Variants in RIMS2 observed in about 807,000 individuals in gnomAD.
RIMS2 encodes regulating synaptic membrane exocytosis protein 2.
A neutral mutation model predicts 174.4 loss-of-function variants in RIMS2; 59 were observed. That is an observed-to-expected ratio of 0.34 (90% CI 0.27 to 0.42). RIMS2 has a LOEUF of 0.42. Among genes scored for constraint, RIMS2 ranks in the 10% least tolerant of loss-of-function variants. The pLI, the probability that RIMS2 is intolerant of heterozygous loss-of-function variation, is 1.00. For synonymous variants in RIMS2, 606 were observed against 572.5 expected, an observed-to-expected ratio of 1.06 and a Z score of -0.84; for missense variants, 1,620 against 1,666.3, an observed-to-expected ratio of 0.97 and a Z score of 0.48.
intron 1 of RIMS2, among the ~76,000 whole-genome samples, chr8:103,604,308 T>A (rs1411992844): frequency 6.6e-6 from 1 of 151,962 alleles, no homozygotes; most frequent in East Asian, 1.9e-4. Context: ...CAGATAGTTG[T>A]TGATATGCGG....
intron 3 of RIMS2, among the ~76,000 whole-genome samples, chr8:103,769,941 CAG>C (rs2098231130): frequency 1.3e-5 from 2 of 152,178 alleles, no homozygotes; most frequent in African/African-American, 4.8e-5. Flanking sequence ...AGTTTAATAT[CAG>C]ATTTGGTAGT....
rs544938125 is a variant in RIMS2, at chr8:104,155,870, T to C, written c.3335-89046T>C. 2.4e-4 allele frequency among the ~76,000 whole-genome samples: 36 copies of C among 152,268 alleles called. No individual in the cohort carries two copies. In the South Asian group the frequency reaches 7.5e-3, roughly 32 times the overall value. On this transcript the variant is annotated intron_variant, in intron 19 of 23. Coordinates refer to ENST00000504942, the Ensembl canonical transcript of RIMS2. ...GCCCCCAATAAAGACACTATGACAC[T>C]TTAAGATCTGACAAGAAGTTTACCA...
chr8:103,899,047 G>C (rs1310597261), intron 4 of RIMS2, among the ~76,000 whole-genome samples: 1 of 151,678 alleles, frequency 6.6e-6, no homozygotes, highest in East Asian at 1.9e-4. Flanking sequence ...CAAAGGACAT[G>C]AACTCATCAA....
intron 19 of RIMS2, among the ~76,000 whole-genome samples, chr8:104,108,552 G>A (rs1247496357): frequency 6.6e-6 from 1 of 151,682 alleles, no homozygotes; most frequent in Non-Finnish European, 1.5e-5. Flanking sequence ...TTCCACCTTG[G>A]CCCCCCAGAG....
chr8:104,028,678 A>G (rs2096311331), intron 19 of RIMS2, among the ~76,000 whole-genome samples: 2 of 152,188 alleles, frequency 1.3e-5, no homozygotes, highest in Non-Finnish European at 2.9e-5. Flanking sequence ...AAATCAACTT[A>G]AGATCAAAAG....
intron 4 of RIMS2, among the ~76,000 whole-genome samples, chr8:103,897,987 C>T (rs921071721): frequency 6.6e-6 from 1 of 151,634 alleles, no homozygotes; most frequent in African/African-American, 2.4e-5. Context: ...ATGCTGCCTT[C>T]AGAATCCAAA....
At chr8:104,096,013 C>A (rs929160780) in intron 19 of RIMS2, among the ~76,000 whole-genome samples, 9 of 152,034 alleles carry the variant, frequency 5.9e-5, no homozygotes, top group Admixed American at 5.9e-4. Context: ...TTATTTGAAT[C>A]TAAATTAGTA....
At chr8:103,614,429 C>G (rs2095459218) in intron 1 of RIMS2, among the ~76,000 whole-genome samples, 1 of 152,238 alleles carries the variant, frequency 6.6e-6, no homozygotes, top group South Asian at 2.1e-4. Flanking sequence ...GTGGCACTGG[C>G]TATTTAAGAC....
At chr8:104,224,093 G>A (rs1436957638) in intron 19 of RIMS2, among the ~76,000 whole-genome samples, 1 of 152,212 alleles carries the variant, frequency 6.6e-6, no homozygotes, top group African/African-American at 2.4e-5. Flanking sequence ...GCGCCTCTTC[G>A]GTGCACCCCA....
chr8:103,501,151 C>A (rs1586230280), intron 1 of RIMS2, 89 bp downstream of exon 1: 3 of 1,048,870 alleles, frequency 2.9e-6, no homozygotes, highest in East Asian at 3.1e-5. Context: ...CCCCAGTTCG[C>A]CGCCCTCCCT....
At chr8:103,943,984 A>G (rs888811014) in intron 14 of RIMS2, among the ~76,000 whole-genome samples, 11 of 152,130 alleles carry the variant, frequency 7.2e-5, no homozygotes, top group Non-Finnish European at 1.5e-4. Flanking sequence ...AGAAGAATAC[A>G]TTATATATGT....
intron 4 of RIMS2, among the ~76,000 whole-genome samples, chr8:103,892,382 T>G (rs2154521827): frequency 6.6e-6 from 1 of 151,838 alleles, no homozygotes; most frequent in Admixed American, 6.6e-5. Flanking sequence ...TTTTTTATTT[T>G]TATTAGAGAT....
intron 1 of RIMS2, among the ~76,000 whole-genome samples, chr8:103,641,766 C>T (rs1228929336): frequency 6.6e-6 from 1 of 151,990 alleles, no homozygotes; most frequent in Non-Finnish European, 1.5e-5. Context: ...TCCCCTTTTT[C>T]TTGTGTCCTC....
At chr8:103,658,339 G>A (rs1021990046) in intron 1 of RIMS2, among the ~76,000 whole-genome samples, 4 of 152,220 alleles carry the variant, frequency 2.6e-5, no homozygotes, top group Non-Finnish European at 4.4e-5. Context: ...CTGGCCGTAT[G>A]TGAATGTATA....
Position 104,073,189 on chromosome 8 carries a change from G to A in RIMS2, c.3334+58574G>A, listed in dbSNP as rs192753992. On this transcript the variant is annotated intron_variant, in intron 19 of 23. Coordinates refer to ENST00000504942, the Ensembl canonical transcript of RIMS2. Reference sequence around the variant, plus strand: ...CTGTGAGTTATATAATGATAAATTGGCATAATTATCAATACTTAAAAGTCC... The same window carrying A: ...CTGTGAGTTATATAATGATAAATTGACATAATTATCAATACTTAAAAGTCC... Among the ~76,000 whole-genome samples, 910 of 152,080 alleles carry A rather than the reference G, an allele frequency of 6.0e-3. 5 individuals carry two copies. The highest frequency in any genetic ancestry group is 0.017 in the Middle Eastern group (5 of 294).
At chr8:103,708,061 G>A (rs1372765054) in intron 2 of RIMS2, among the ~76,000 whole-genome samples, 2 of 152,218 alleles carry the variant, frequency 1.3e-5, no homozygotes, top group African/African-American at 4.8e-5. Flanking sequence ...GAGTGATGCA[G>A]GCATTCTCTA....
intron 16 of RIMS2, among the ~76,000 whole-genome samples, chr8:103,983,599 C>G (rs1460220881): frequency 6.6e-6 from 1 of 152,126 alleles, no homozygotes; most frequent in East Asian, 1.9e-4. Context: ...ATCCATACAC[C>G]TACAGTGAAC....
intron 19 of RIMS2, among the ~76,000 whole-genome samples, chr8:104,049,907 C>T (rs977845476): frequency 1.3e-5 from 2 of 152,052 alleles, no homozygotes; most frequent in East Asian, 3.9e-4. Flanking sequence ...ATTCAAATTC[C>T]TTCTTTAAAT....
intron 2 of RIMS2, among the ~76,000 whole-genome samples, chr8:103,742,045 G>A (rs974811801): frequency 1.3e-5 from 2 of 152,014 alleles, no homozygotes; most frequent in Non-Finnish European, 2.9e-5. Flanking sequence ...ATTAATAATA[G>A]TTCCCATGTT....
Sources: gnomAD v4.1 joint callset for allele counts (sites outside exome capture counted in the v4.1 genomes callset) on GRCh38, gnomAD v4.1.1 for gene constraint, MANE v1.5 for transcripts, NCBI Gene and HGNC (gene_info 2026-07-23, HGNC 2026-07-21) for gene names.